Variants in CELF2 observed in about 807,000 individuals in gnomAD.
The protein encoded by CELF2 is CUGBP Elav-like family member 2, also known as CUG triplet repeat RNA-binding protein 2.
In CELF2, 8 loss-of-function variants were observed where a neutral mutation model predicts 62.6. That is an observed-to-expected ratio of 0.13 (90% CI 0.07 to 0.23). The LOEUF (loss-of-function observed/expected upper bound fraction) is 0.23. Among genes scored for constraint, CELF2 ranks in the 10% least tolerant of loss-of-function variants. CELF2 has a pLI of 1.00. For synonymous variants in CELF2, 258 were observed against 250.0 expected, an observed-to-expected ratio of 1.03 and a Z score of -0.30; for missense variants, 333 against 671.0, an observed-to-expected ratio of 0.50 and a Z score of 5.56.
chr10:11,126,038 T>A (rs2058634759), intron 1 of CELF2, among the ~76,000 whole-genome samples: 1 of 152,196 alleles, frequency 6.6e-6, no homozygotes, highest in Non-Finnish European at 1.5e-5. Flanking sequence ...TCACTTGACG[T>A]AAAATACTAC....
chr10:11,282,177 A>G (rs994070575), intron 8 of CELF2, among the ~76,000 whole-genome samples: 9 of 151,370 alleles, frequency 5.9e-5, no homozygotes, highest in East Asian at 1.9e-4. Flanking sequence ...CTCCCTCCCT[A>G]TCCCTTCTAA....
At chr10:11,015,892 G>T (rs1413001549), upstream of CELF2, among the ~76,000 whole-genome samples, 1 of 152,086 alleles carries the variant, frequency 6.6e-6, no homozygotes, top group Non-Finnish European at 1.5e-5. This position sits in a 1 kb window ranked among gnomAD's most constrained non-coding sequence, Gnocchi z 4.8. Flanking sequence ...TTTCAGAAGC[G>T]TACATGTTAA....
At chr10:10,701,144 G>T in the CELF2 span, among the ~76,000 whole-genome samples, 3 of 152,194 alleles carry the variant, frequency 2.0e-5, no homozygotes, top group African/African-American at 7.2e-5. Context: ...ATGCACGAAG[G>T]CCCAGCCAGA....
At chr10:10,684,690 G>A in the CELF2 span, among the ~76,000 whole-genome samples, 2 of 152,160 alleles carry the variant, frequency 1.3e-5, no homozygotes, top group African/African-American at 4.8e-5. Context: ...CCTGCAGTGA[G>A]TCGAGATTAC....
chr10:10,797,945 G>A (rs1190214154), upstream of CELF2, among the ~76,000 whole-genome samples: 1 of 152,132 alleles, frequency 6.6e-6, no homozygotes, highest in Non-Finnish European at 1.5e-5. Context: ...ACGAGTATTG[G>A]AAGGATGTTT....
chr10:11,176,083 A>C (rs2070980106), intron 2 of CELF2, among the ~76,000 whole-genome samples: 1 of 152,198 alleles, frequency 6.6e-6, no homozygotes, highest in African/African-American at 2.4e-5. Context: ...TCATATAATA[A>C]AGATGAAGTG....
the CELF2 span, among the ~76,000 whole-genome samples, chr10:10,620,455 A>G: frequency 6.6e-6 from 1 of 151,332 alleles, no homozygotes; most frequent in Non-Finnish European, 1.5e-5. Context: ...AGTCTCAAAA[A>G]AAAAAAAAAA....
At chr10:10,658,625 C>T in the CELF2 span, among the ~76,000 whole-genome samples, 4 of 152,160 alleles carry the variant, frequency 2.6e-5, no homozygotes, top group Non-Finnish European at 5.9e-5. Context: ...GCCTGTTTTT[C>T]TGCACTTTTT....
intron 4 of CELF2, among the ~76,000 whole-genome samples, chr10:11,256,979 G>A (rs1331636677): frequency 6.6e-6 from 1 of 151,930 alleles, no homozygotes; most frequent in African/African-American, 2.4e-5. Context: ...TGGAAGCTCG[G>A]GGCCATCCAG....
the CELF2 span, among the ~76,000 whole-genome samples, chr10:10,640,949 C>A: frequency 6.6e-6 from 1 of 151,970 alleles, no homozygotes; most frequent in Non-Finnish European, 1.5e-5. Flanking sequence ...GCTTTGAGGG[C>A]CAAAGAGATC....
chr10:10,503,603 A>AT, the CELF2 span, among the ~76,000 whole-genome samples: 1 of 151,910 alleles, frequency 6.6e-6, no homozygotes, highest in African/African-American at 2.4e-5. Context: ...TGCTTATACC[A>AT]TTATGTTTTA....
intron 1 of CELF2, among the ~76,000 whole-genome samples, chr10:10,816,773 G>T (rs10905833): frequency 0.089 from 13,543 of 152,186 alleles, 716 homozygotes; most frequent in East Asian, 0.23. Context: ...GTAACGATTT[G>T]GTTTAGTATG....
the CELF2 span, among the ~76,000 whole-genome samples, chr10:10,633,432 A>T: frequency 6.6e-6 from 1 of 152,068 alleles, no homozygotes; most frequent in Non-Finnish European, 1.5e-5. Context: ...CTTGCCTGGT[A>T]TCTTTTTGGG....
chr10:10,818,486 A>G (rs2056678920), intron 1 of CELF2, among the ~76,000 whole-genome samples: 1 of 151,786 alleles, frequency 6.6e-6, no homozygotes, highest in African/African-American at 2.4e-5. Flanking sequence ...AGACAGCTTC[A>G]TTTCTGGGGG....
intron 1 of CELF2, among the ~76,000 whole-genome samples, chr10:11,053,893 T>C (rs1038928990): frequency 3.9e-5 from 6 of 152,056 alleles, no homozygotes; most frequent in African/African-American, 1.4e-4. Context: ...GGATTACAGG[T>C]GTGAGCCACC....
At chr10:11,189,491 G>GT (rs921965475) in intron 2 of CELF2, among the ~76,000 whole-genome samples, 20 of 152,016 alleles carry the variant, frequency 1.3e-4, no homozygotes, top group Non-Finnish European at 1.5e-5. Flanking sequence ...CTCACTGAGG[G>GT]TTTTTTTCCC....
intron 2 of CELF2, among the ~76,000 whole-genome samples, chr10:10,985,482 A>G (rs909582132): frequency 6.6e-6 from 1 of 152,168 alleles, no homozygotes; most frequent in African/African-American, 2.4e-5. Flanking sequence ...CTTTTGTAAG[A>G]CACCCAACAC....
the CELF2 span, among the ~76,000 whole-genome samples, chr10:10,492,162 A>T: frequency 6.6e-6 from 1 of 152,140 alleles, no homozygotes; most frequent in African/African-American, 2.4e-5. Context: ...ACTTCTCTGA[A>T]AATCTCTGCA....
At chr10:10,916,462 A>G (rs951759176) in intron 1 of CELF2, among the ~76,000 whole-genome samples, 2 of 152,210 alleles carry the variant, frequency 1.3e-5, no homozygotes, top group Non-Finnish European at 1.5e-5. Flanking sequence ...GGGACTTAAT[A>G]CATGATGAAC....
Sources: allele counts gnomAD v4.1 joint callset (sites outside exome capture counted in the v4.1 genomes callset), GRCh38; gene constraint gnomAD v4.1.1; non-coding constraint Gnocchi (gnomAD v3.1); transcripts MANE v1.5; gene names NCBI Gene and HGNC (gene_info 2026-07-23, HGNC 2026-07-21).